CUX2: variants seen among roughly 807,000 people sequenced by gnomAD.
CUX2 encodes cut like homeobox 2.
In CUX2, 40 loss-of-function variants were observed where a neutral mutation model predicts 144.8. That is an observed-to-expected ratio of 0.28 (90% confidence interval 0.21 to 0.36). The LOEUF (loss-of-function observed/expected upper bound fraction) is 0.36, where lower values mean the gene tolerates loss of function less well. Among genes scored for constraint, CUX2 ranks in the 10% least tolerant of loss-of-function variants. The probability of loss-of-function intolerance (pLI) is 1.00; values close to 1 mark genes in which losing one functional copy is unlikely to be tolerated. For missense variants in CUX2, 1,615 were observed against 1,994.0 expected (o/e 0.81, Z 3.62); for synonymous variants, 827 against 875.6 (o/e 0.94, Z 0.98).
chr12:111,237,388 T>C (rs1882809694), intron 3 of CUX2, among the ~76,000 whole-genome samples: 1 of 152,156 alleles, frequency 6.6e-6, no homozygotes, highest in Admixed American at 6.5e-5. Context: ...CACTCAAATG[T>C]GGCCTTGGCT....
At chr12:111,195,837 TC>T (rs1880207292) in intron 1 of CUX2, among the ~76,000 whole-genome samples, 1 of 152,188 alleles carries the variant, frequency 6.6e-6, no homozygotes, top group African/African-American at 2.4e-5. Context: ...CCTCCTCATT[TC>T]TTTTTTTTCC....
intron 1 of CUX2, among the ~76,000 whole-genome samples, chr12:111,203,745 C>T (rs906671964): frequency 9.9e-5 from 15 of 151,740 alleles, no homozygotes; most frequent in African/African-American, 2.4e-4. Flanking sequence ...TCTCTGTGGC[C>T]GCCAAGTGGG....
intron 1 of CUX2, among the ~76,000 whole-genome samples, chr12:111,144,839 A>T (rs1354287050): frequency 6.6e-6 from 1 of 152,120 alleles, no homozygotes; most frequent in African/African-American, 2.4e-5. Flanking sequence ...AGGCCTGAGG[A>T]TGGAAGACTG....
At chr12:111,101,064 G>A (rs1484074243) in intron 1 of CUX2, among the ~76,000 whole-genome samples, 3 of 152,206 alleles carry the variant, frequency 2.0e-5, no homozygotes, top group Non-Finnish European at 4.4e-5. Flanking sequence ...TAGCTTGGGC[G>A]ATAAAAACAA....
In CUX2 at chr12:111,160,847, C is replaced by T. The variant is rs372631765; in HGVS notation, c.64-53353C>T. Among the ~76,000 whole-genome samples, 158 of 152,214 alleles carry T rather than the reference C, an allele frequency of 1.0e-3. 4 individuals carry two copies. In the South Asian group the frequency reaches 0.032, roughly 31 times the overall value. ...GGATGGAATGAATGAAGATGACTCC[C>T]GGGCTCCTGGCCTGAACAGCTGGGT... On this transcript the variant is annotated intron_variant, in intron 1 of 21. Coordinates refer to ENST00000261726, the MANE Select transcript of CUX2 (RefSeq NM_015267.4). The surrounding 1 kb of genome is among the most constrained non-coding windows in gnomAD (Gnocchi z 4.1).
chr12:111,145,656 C>A (rs1168381912), intron 1 of CUX2, among the ~76,000 whole-genome samples: 1 of 152,074 alleles, frequency 6.6e-6, no homozygotes, highest in Non-Finnish European at 1.5e-5. Context: ...GCTAGAGCCA[C>A]CATGCTCGGC....
rs1221952842 is a variant in CUX2 at position 111,334,379 on chromosome 12, C to T, written c.2927-62C>T. 6.6e-6 allele frequency: 10 copies of T among 1,504,122 alleles called. No individual in the cohort carries two copies. In the East Asian group the frequency reaches 9.1e-5, roughly 14 times the overall value. 93.2% of individuals were successfully genotyped at this position (1,504,122 alleles called of 1,614,324 possible). Reference sequence around the variant, plus strand: ...TCTTGGCTGTAAGAAGCAAGCCTCCCGAAAGTGGATGTGTCTGTGCCAGAT... The same window carrying T: ...TCTTGGCTGTAAGAAGCAAGCCTCCTGAAAGTGGATGTGTCTGTGCCAGAT... On this transcript the variant is annotated intron_variant, in intron 18 of 21. Coordinates refer to ENST00000261726, the MANE Select transcript of CUX2 (RefSeq NM_015267.4).
chr12:111,121,512 G>A (rs1484463938), intron 1 of CUX2, among the ~76,000 whole-genome samples: 2 of 151,276 alleles, frequency 1.3e-5, no homozygotes, highest in East Asian at 2.0e-4. Flanking sequence ...GAGTAGCTGG[G>A]ACTACAGGTT....
intron 3 of CUX2, among the ~76,000 whole-genome samples, chr12:111,256,862 A>G (rs1276860763): frequency 6.6e-6 from 1 of 152,132 alleles, no homozygotes; most frequent in Non-Finnish European, 1.5e-5. Flanking sequence ...TGGAGCACAT[A>G]GTAAGGCTTA....
intron 2 of CUX2, 22 bp downstream of exon 2, chr12:111,214,332 A>G: frequency 1.4e-6 from 2 of 1,384,234 alleles, no homozygotes; most frequent in Non-Finnish European, 2.0e-6. Context: ...TTGCCGTTAT[A>G]GAATTAACTC....
rs975562966 is a variant in CUX2, at chr12:111,160,409, C to T, written c.64-53791C>T. Among the ~76,000 whole-genome samples, 29 of 152,072 alleles carry T rather than the reference C, an allele frequency of 1.9e-4. No individual in the cohort carries two copies. The highest frequency in any genetic ancestry group is 7.7e-4 in the East Asian group (4 of 5,164). On this transcript the variant is annotated intron_variant, in intron 1 of 21. Transcript: ENST00000261726. The surrounding 1 kb of genome is among the most constrained non-coding windows in gnomAD (Gnocchi z 4.1). ...TGCGGGCATCTGGGCGTATTCGGGA[C>T]GTGTGTGTAGTGCAGGGTGTGTGTG... is the stretch of plus-strand genomic sequence containing the variant.
intron 1 of CUX2, among the ~76,000 whole-genome samples, chr12:111,168,701 T>G (rs1351807971): frequency 6.6e-6 from 1 of 152,240 alleles, no homozygotes; most frequent in Non-Finnish European, 1.5e-5. Flanking sequence ...TCCACTAATG[T>G]GATATGAAAG....
chr12:111,204,442 G>T (rs1163501670), intron 1 of CUX2, among the ~76,000 whole-genome samples: 1 of 152,220 alleles, frequency 6.6e-6, no homozygotes, highest in African/African-American at 2.4e-5. Context: ...TGGATAGATG[G>T]ATGGGTGGAT....
chr12:111,320,882 A>G lies in CUX2; in HGVS notation c.2766+107A>G, dbSNP rs1887494381. 3 of 1,216,892 alleles carry G rather than the reference A, an allele frequency of 2.5e-6. 1 individual carries two copies. The South Asian group carries it at 5.4e-5, about 22-fold the overall frequency. 75.4% of individuals were successfully genotyped at this position (1,216,892 alleles called of 1,614,324 possible). On this transcript the variant is annotated intron_variant, in intron 17 of 21. Coordinates refer to ENST00000261726, the MANE Select transcript of CUX2 (RefSeq NM_015267.4). This position sits in a 1 kb window ranked among gnomAD's most constrained non-coding sequence, Gnocchi z 8.1. ...GGGACCCCAGGGGCCCAGGCCCTTC[A>G]TTCCTGAGTCCTGCTGTCCCTGGGT...
Position 111,293,418 on chromosome 12 carries a change from G to A in CUX2, c.437-28G>A, listed in dbSNP as rs1276461270. The A allele has an allele frequency of 1.9e-6, 3 of 1,590,620 alleles. No homozygotes were observed. Among genetic ancestry groups the A allele is most frequent in the Non-Finnish European group, 1.7e-6 (2 of 1,169,624 alleles). ...CTGCCACGTTGCTCTCTTGGCAATGGGGGTTTTCCCTCTTTTTCTCCCTGC... is the reference window on the plus strand; with the variant it reads ...CTGCCACGTTGCTCTCTTGGCAATGAGGGTTTTCCCTCTTTTTCTCCCTGC... On this transcript the variant is annotated intron_variant, in intron 5 of 21. Coordinates refer to ENST00000261726, the MANE Select transcript of CUX2 (RefSeq NM_015267.4). The surrounding 1 kb of genome is among the most constrained non-coding windows in gnomAD (Gnocchi z 4.5).
At chr12:111,339,068 A>C (rs1888472983) in intron 20 of CUX2, among the ~76,000 whole-genome samples, 1 of 151,984 alleles carries the variant, frequency 6.6e-6, no homozygotes, top group South Asian at 2.1e-4. Flanking sequence ...CCCTGTCTCT[A>C]CTAAAAATAA....
At position 111,039,688 on chromosome 12, in the gene CUX2, C is replaced by T. The variant is rs190012763; in HGVS notation, c.63+5448C>T. 3.9e-5 allele frequency among the ~76,000 whole-genome samples: 6 copies of T among 152,138 alleles called. No homozygotes were observed. The highest frequency in any genetic ancestry group is 4.1e-4 in the South Asian group (2 of 4,832). ...TTGGAACTATAGGCGCATGCCACCA[C>T]GCCTGGCTAATTTTTGTATTTTTAG... On this transcript the variant is annotated intron_variant, in intron 1 of 21. Coordinates refer to ENST00000261726, the MANE Select transcript of CUX2 (RefSeq NM_015267.4). The surrounding 1 kb of genome is among the most constrained non-coding windows in gnomAD (Gnocchi z 4.2).
At chr12:111,036,922 C>T (rs1187589849) in intron 1 of CUX2, among the ~76,000 whole-genome samples, 3 of 140,014 alleles carry the variant, frequency 2.1e-5, no homozygotes, top group Non-Finnish European at 4.7e-5. Flanking sequence ...ACCCCATATC[C>T]TCACTGATGG....
intron 1 of CUX2, among the ~76,000 whole-genome samples, chr12:111,124,492 C>A (rs1874912913): frequency 6.6e-6 from 1 of 152,150 alleles, no homozygotes; most frequent in African/African-American, 2.4e-5. Flanking sequence ...TGGATTGGGG[C>A]TCCTATGACC....
Sources: gnomAD v4.1 joint callset for allele counts (sites outside exome capture counted in the v4.1 genomes callset) on GRCh38, gnomAD v4.1.1 for gene constraint, Gnocchi (gnomAD v3.1) non-coding constraint, MANE v1.5 for transcripts, NCBI Gene and HGNC (gene_info 2026-07-23, HGNC 2026-07-21) for gene names.